RBMS3: variants seen among roughly 807,000 people sequenced by gnomAD.
The protein encoded by RBMS3 is RNA-binding motif, single-stranded-interacting protein 3.
A neutral mutation model predicts 66.8 loss-of-function variants in RBMS3; 27 were observed. The ratio of observed to expected loss-of-function variants is 0.40; its 90% CI spans 0.30 to 0.56. The LOEUF is 0.56. RBMS3 is among the 20% of genes least tolerant of loss of function. RBMS3 has a pLI of 0.40. For missense variants in RBMS3, 513 were observed against 549.5 expected (o/e 0.93, Z 0.66); for synonymous variants, 188 against 183.0 (o/e 1.03, Z -0.22).
chr3:29,682,511 T>C (rs1176778342), intron 4 of RBMS3, among the ~76,000 whole-genome samples: 1 of 152,070 alleles, frequency 6.6e-6, no homozygotes, highest in East Asian at 1.9e-4. Context: ...CTGCTTGGGG[T>C]GCTGTGTTAG....
rs571771275 is a variant in RBMS3, at chr3:29,988,641, T to G, written c.1179+418T>G. Among the ~76,000 whole-genome samples, 9 of 152,218 alleles carry G rather than the reference T, an allele frequency of 5.9e-5. No homozygotes were observed. The South Asian group carries it at 1.7e-3, about 28-fold the overall frequency. On this transcript the variant is annotated intron_variant, in intron 13 of 14. Coordinates refer to ENST00000383767, the MANE Select transcript of RBMS3 (RefSeq NM_001003793.3). The stretch of plus-strand genomic sequence containing the variant: ...TGAGAGCTTGTTAGAAATGCAGACT[T>G]GCTGGGCATGATGGCATGCACCTGT...
At chr3:29,355,564 A>C (rs1471763150) in intron 1 of RBMS3, among the ~76,000 whole-genome samples, 3 of 152,150 alleles carry the variant, frequency 2.0e-5, no homozygotes, top group Admixed American at 2.0e-4. Context: ...GCAAGAAAAA[A>C]AAAAGGAAAA....
At chr3:29,303,202 G>A (rs1423975617) in intron 1 of RBMS3, among the ~76,000 whole-genome samples, 1 of 152,034 alleles carries the variant, frequency 6.6e-6, no homozygotes, top group African/African-American at 2.4e-5. Flanking sequence ...TTATAAAACT[G>A]AAAGGAGCTT....
chr3:29,526,660 A>G (rs961995720), intron 3 of RBMS3, among the ~76,000 whole-genome samples: 1 of 150,394 alleles, frequency 6.6e-6, no homozygotes, highest in African/African-American at 2.4e-5. Flanking sequence ...AATAATAGAG[A>G]TGCCACTGGT....
intron 3 of RBMS3, among the ~76,000 whole-genome samples, chr3:29,537,274 T>C (rs976013995): frequency 2.0e-5 from 3 of 152,246 alleles, no homozygotes. Flanking sequence ...GTCAGGACTC[T>C]AACTTTGGCC....
intron 3 of RBMS3, among the ~76,000 whole-genome samples, chr3:29,520,129 C>T (rs1172665145): frequency 6.6e-6 from 1 of 152,094 alleles, no homozygotes; most frequent in African/African-American, 2.4e-5. Context: ...ATGATCTAGA[C>T]ATAGCAATGG....
intron 2 of RBMS3, among the ~76,000 whole-genome samples, chr3:29,477,321 C>A (rs1185808349): frequency 6.6e-6 from 1 of 152,102 alleles, no homozygotes; most frequent in Non-Finnish European, 1.5e-5. Context: ...TATCACTGTA[C>A]CTGGACATAC....
intron 6 of RBMS3, among the ~76,000 whole-genome samples, chr3:29,814,376 G>A (rs979200896): frequency 1.8e-4 from 27 of 152,070 alleles, no homozygotes; most frequent in African/African-American, 6.0e-4. Context: ...TGCTGGATTC[G>A]GTTTCCCAGT....
chr3:29,361,024 A>G (rs1458947001), intron 1 of RBMS3, among the ~76,000 whole-genome samples: 2 of 151,782 alleles, frequency 1.3e-5, no homozygotes, highest in Non-Finnish European at 2.9e-5. Context: ...GTGTCTTTTA[A>G]TTGGAGCACT....
chr3:30,000,216 A>C (rs1699524251), intron 14 of RBMS3, among the ~76,000 whole-genome samples: 2 of 152,194 alleles, frequency 1.3e-5, no homozygotes, highest in Non-Finnish European at 2.9e-5. Context: ...CAACCCCATC[A>C]AAAAGTAAAC....
intron 1 of RBMS3, among the ~76,000 whole-genome samples, chr3:29,405,366 C>A (rs373630957): frequency 6.6e-6 from 1 of 152,214 alleles, no homozygotes; most frequent in African/African-American, 2.4e-5. Context: ...AATTTATTTG[C>A]CAGGTCATAC....
intron 1 of RBMS3, among the ~76,000 whole-genome samples, chr3:29,308,408 C>T (rs1413436103): frequency 6.6e-6 from 1 of 151,650 alleles, no homozygotes; most frequent in Non-Finnish European, 1.5e-5. Context: ...GAGTATATCA[C>T]AGTGTTTGGT....
At chr3:29,646,709 A>T (rs2049936807) in intron 4 of RBMS3, among the ~76,000 whole-genome samples, 13 of 128,044 alleles carry the variant, frequency 1.0e-4, no homozygotes, top group South Asian at 5.1e-4. Flanking sequence ...TTCCCTTCTC[A>T]TTTTTCTTCC....
At chr3:29,598,981 A>G (rs982639220) in intron 4 of RBMS3, among the ~76,000 whole-genome samples, 2 of 152,032 alleles carry the variant, frequency 1.3e-5, no homozygotes, top group Non-Finnish European at 2.9e-5. Context: ...TTGTGCAGTA[A>G]CAGAACTAAA....
rs75880796 is a variant in RBMS3, at chr3:29,410,969, A to G, written c.76-23774A>G. Among the ~76,000 whole-genome samples, 159 of 103,244 alleles carry G rather than the reference A, an allele frequency of 1.5e-3. 1 individual carries two copies. The Middle Eastern group carries it at 0.019, about 13-fold the overall frequency. 67.7% of individuals were successfully genotyped at this position (103,244 alleles called of 152,430 possible). On this transcript the variant is annotated intron_variant, in intron 1 of 14. Transcript: ENST00000383767. ...CATGATTCCTATCCCTTTCTTCTTA[A>G]AAAAAAAAAAAAAGCAACACAACTA...
chr3:29,567,074 G>A (rs537542273), intron 3 of RBMS3, among the ~76,000 whole-genome samples: 52 of 152,138 alleles, frequency 3.4e-4, no homozygotes, highest in South Asian at 6.2e-4. Flanking sequence ...ACCACATAGA[G>A]CCCTCAGTGA....
intron 5 of RBMS3, among the ~76,000 whole-genome samples, chr3:29,757,171 G>T (rs1273273491): frequency 6.6e-6 from 1 of 152,164 alleles, no homozygotes; most frequent in Non-Finnish European, 1.5e-5. Flanking sequence ...CATAAACTCA[G>T]ATGTGGTTAA....
intron 4 of RBMS3, among the ~76,000 whole-genome samples, chr3:29,632,011 ACTTC>A (rs1239010135): frequency 4.0e-5 from 6 of 148,934 alleles, no homozygotes; most frequent in Non-Finnish European, 8.9e-5. Context: ...TGTTTACAAC[ACTTC>A]CTTGCAAATG....
chr3:29,505,785 C>A (rs994886370), intron 3 of RBMS3, among the ~76,000 whole-genome samples: 1 of 150,716 alleles, frequency 6.6e-6, no homozygotes, highest in Non-Finnish European at 1.5e-5. Context: ...AATGTACAGG[C>A]CTTTCATCTC....
Sources: gnomAD v4.1 joint callset for allele counts (sites outside exome capture counted in the v4.1 genomes callset) on GRCh38, gnomAD v4.1.1 for gene constraint, MANE v1.5 for transcripts, NCBI Gene and HGNC (gene_info 2026-07-23, HGNC 2026-07-21) for gene names.